The following NEBL variants were observed in gnomAD, a reference collection of about 807,000 sequenced individuals.
NEBL encodes LIM and SH3 protein 2.
Under a neutral mutation model 140.2 loss-of-function variants are expected in NEBL, and 122 were observed. The observed-to-expected ratio is 0.87, with a 90% CI of 0.75 to 1.01. The LOEUF is 1.01. Ranked by LOEUF, NEBL falls within the 50% of genes least tolerant of loss-of-function variation. NEBL has a pLI of 0.00. For missense variants in NEBL, 1,365 were observed against 1,231.3 expected, an observed-to-expected ratio of 1.11 and a Z score of -1.62; for synonymous variants, 436 against 398.9, an observed-to-expected ratio of 1.09 and a Z score of -1.11.
At chr10:20,808,887 G>A (rs1400083800) in intron 25 of NEBL, among the ~76,000 whole-genome samples, 2 of 152,050 alleles carry the variant, frequency 1.3e-5, no homozygotes, top group Non-Finnish European at 2.9e-5. Flanking sequence ...TTTAAAGGAC[G>A]GGTAAGGGAT....
chr10:21,004,021 T>C (rs1838015567), intron 3 of NEBL, among the ~76,000 whole-genome samples: 2 of 152,366 alleles, frequency 1.3e-5, no homozygotes, highest in Non-Finnish European at 1.5e-5. Flanking sequence ...TTGATTCCTG[T>C]AGTTCAAAAC....
chr10:21,061,650 A>T (rs1363550202), intron 2 of NEBL, among the ~76,000 whole-genome samples: 6 of 151,922 alleles, frequency 3.9e-5, no homozygotes, highest in Admixed American at 3.9e-4. Flanking sequence ...TGCAGATATC[A>T]TGGCCATAAA....
At chr10:21,110,692 C>A in intron 2 of NEBL, 1 of 485,890 alleles carries the variant, frequency 2.1e-6, no homozygotes, top group East Asian at 5.1e-5. Flanking sequence ...ATGGAAGGCT[C>A]AGTGGACATG....
At chr10:20,993,033 T>C (rs1837529175) in intron 3 of NEBL, among the ~76,000 whole-genome samples, 1 of 151,930 alleles carries the variant, frequency 6.6e-6, no homozygotes, top group African/African-American at 2.4e-5. Flanking sequence ...TCTGCCCGCC[T>C]CGGCCTCCCA....
chr10:20,928,041 T>C (rs931995673), intron 4 of NEBL, among the ~76,000 whole-genome samples: 7 of 152,322 alleles, frequency 4.6e-5, no homozygotes, highest in Admixed American at 4.6e-4. Context: ...CAGATCCAAA[T>C]TGTCATTTCA....
chr10:21,047,153 G>A (rs916296803), intron 2 of NEBL, among the ~76,000 whole-genome samples: 13 of 152,208 alleles, frequency 8.5e-5, no homozygotes, highest in Admixed American at 5.2e-4. Context: ...TTAAACTATG[G>A]GAGAAAAGCA....
intron 3 of NEBL, among the ~76,000 whole-genome samples, chr10:21,181,319 G>A (rs1173339230): frequency 2.0e-5 from 3 of 150,466 alleles, no homozygotes; most frequent in South Asian, 2.1e-4. Flanking sequence ...CACGTATCCC[G>A]GAGCCTAAAG....
chr10:21,014,112 C>A lies in NEBL; in HGVS notation c.249+6005G>T, dbSNP rs371222835. Among the ~76,000 whole-genome samples the A allele has an allele frequency of 1.8e-4, 27 of 151,938 alleles. No individual in the cohort carries two copies. In the East Asian group the frequency reaches 3.9e-3, roughly 22 times the overall value. On this transcript the variant is annotated intron_variant, in intron 3 of 6. Transcript: ENST00000417816. ...GGTCTTGTTGCAGTTGTAATTTTTCCTATTTTTTATTATTATTAATATTAT... is the reference window on the plus strand; with the variant it reads ...GGTCTTGTTGCAGTTGTAATTTTTCATATTTTTTATTATTATTAATATTAT...
At chr10:21,250,011 C>T (rs1415078968) in intron 2 of NEBL, among the ~76,000 whole-genome samples, 1 of 152,104 alleles carries the variant, frequency 6.6e-6, no homozygotes, top group African/African-American at 2.4e-5. Context: ...TTGCAATGAG[C>T]CAAGATCACG....
In NEBL at chr10:20,866,161, C is replaced by A. The variant is rs558122948; in HGVS notation, c.684+2503G>T. On this transcript the variant is annotated intron_variant, in intron 7 of 27. Transcript: ENST00000377122. ...AACCCTAAAATGCTTCCTATAATTG[C>A]GCTCTGAAATCACTTTTTTATCATT... Among the ~76,000 whole-genome samples, 7 of 152,154 alleles carry A rather than the reference C, an allele frequency of 4.6e-5. No homozygotes were observed. The East Asian group carries it at 1.4e-3, about 29-fold the overall frequency.
At chr10:21,108,006 G>C (rs1416724058) in intron 2 of NEBL, among the ~76,000 whole-genome samples, 1 of 152,110 alleles carries the variant, frequency 6.6e-6, no homozygotes, top group Non-Finnish European at 1.5e-5. Flanking sequence ...TATGGGATCG[G>C]TGGTGATATC....
chr10:20,997,426 C>T (rs1837709905), intron 3 of NEBL, among the ~76,000 whole-genome samples: 1 of 136,660 alleles, frequency 7.3e-6, no homozygotes, highest in Non-Finnish European at 1.5e-5. Context: ...TAGGTACCCC[C>T]ATCCCTACAG....
In NEBL at chr10:21,171,846, C is replaced by A. The variant is rs148010303; in HGVS notation, c.164+537G>T. On this transcript the variant is annotated intron_variant, in intron 2 of 6. Transcript: ENST00000417816. Reference sequence around the variant, plus strand: ...CTTCAGTCGGTCTACTACAAACGACCTACTACTAACCAGCCAGGAATACCC... The same window carrying A: ...CTTCAGTCGGTCTACTACAAACGACATACTACTAACCAGCCAGGAATACCC... 854 of 174,572 alleles carry A rather than the reference C, an allele frequency of 4.9e-3. 5 individuals carry two copies. Among genetic ancestry groups the A allele is most frequent in the African/African-American group, 7.0e-3 (295 of 41,942 alleles). The allele number at this position is 174,572 out of a possible 1,614,324, so 10.8% of individuals were successfully genotyped here. A position where few individuals can be genotyped will look rare whatever the true frequency, so the allele number is the denominator to read the frequency against.
chr10:20,847,902 T>C (rs1318531781), intron 11 of NEBL, among the ~76,000 whole-genome samples: 1 of 152,236 alleles, frequency 6.6e-6, no homozygotes, highest in African/African-American at 2.4e-5. Flanking sequence ...GTTTTTATAT[T>C]TTATTTTCAC....
intron 2 of NEBL, among the ~76,000 whole-genome samples, chr10:21,055,769 G>A (rs896447569): frequency 2.0e-5 from 3 of 152,214 alleles, no homozygotes; most frequent in African/African-American, 7.2e-5. Context: ...CTGTAGCGCA[G>A]ATAATCCAGC....
At chr10:21,079,432 A>G (rs1836264635) in intron 2 of NEBL, among the ~76,000 whole-genome samples, 1 of 152,238 alleles carries the variant, frequency 6.6e-6, no homozygotes. Flanking sequence ...TTTGGAAGTG[A>G]GAAAACTCAG....
At chr10:21,185,099 A>G (rs1841444178) in intron 3 of NEBL, among the ~76,000 whole-genome samples, 1 of 152,210 alleles carries the variant, frequency 6.6e-6, no homozygotes, top group African/African-American at 2.4e-5. Context: ...CCTTCCCATA[A>G]TGGTATGTCT....
intron 2 of NEBL, among the ~76,000 whole-genome samples, chr10:21,042,748 CA>C (rs1242336422): frequency 6.6e-6 from 1 of 152,204 alleles, no homozygotes; most frequent in African/African-American, 2.4e-5. Context: ...CATTGACCAG[CA>C]AACCTCTGGA....
chr10:21,007,925 A>T (rs1000397655), intron 3 of NEBL, among the ~76,000 whole-genome samples: 1 of 152,222 alleles, frequency 6.6e-6, no homozygotes, highest in African/African-American at 2.4e-5. Flanking sequence ...TAACTAAAAG[A>T]CACAGAGACT....
Sources: allele counts gnomAD v4.1 joint callset (sites outside exome capture counted in the v4.1 genomes callset), GRCh38; gene constraint gnomAD v4.1.1; transcripts MANE v1.5; gene names NCBI Gene and HGNC (gene_info 2026-07-23, HGNC 2026-07-21).